Variants in CYTH1 observed in about 807,000 individuals in gnomAD.
CYTH1 encodes the protein cytohesin 1, also known as cytohesin-1.
A neutral mutation model predicts 61.8 loss-of-function variants in CYTH1; 18 were observed. That is an observed-to-expected ratio of 0.29 (90% CI 0.20 to 0.43). The LOEUF is 0.43. Among genes scored for constraint, CYTH1 ranks in the 20% least tolerant of loss-of-function variants. The pLI is 1.00. For synonymous variants in CYTH1, 174 were observed against 184.3 expected (o/e 0.94, Z 0.45); for missense variants, 336 against 510.5 (o/e 0.66, Z 3.29).
At chr17:78,735,609 G>A (rs898142596) in intron 1 of CYTH1, among the ~76,000 whole-genome samples, 1 of 152,138 alleles carries the variant, frequency 6.6e-6, no homozygotes, top group African/African-American at 2.4e-5. Flanking sequence ...TTTCAGTGTC[G>A]CCCGTGGACA....
chr17:78,690,445 T>G (rs1157893763), intron 11 of CYTH1, among the ~76,000 whole-genome samples: 2 of 129,794 alleles, frequency 1.5e-5, no homozygotes, highest in African/African-American at 5.9e-5. Flanking sequence ...ATGTATTTAC[T>G]GCTGGGTGCA....
intron 1 of CYTH1, among the ~76,000 whole-genome samples, chr17:78,773,395 C>A (rs1567886894): frequency 6.6e-6 from 1 of 152,040 alleles, no homozygotes; most frequent in Admixed American, 6.6e-5. Flanking sequence ...TTTGGGAGGC[C>A]GAGGCGGACG....
chr17:78,715,163 C>A (rs761607476), intron 1 of CYTH1, among the ~76,000 whole-genome samples: 1 of 152,116 alleles, frequency 6.6e-6, no homozygotes, highest in Non-Finnish European at 1.5e-5. Context: ...GATCCTAAAA[C>A]CTCCACAGAG....
intron 1 of CYTH1, among the ~76,000 whole-genome samples, chr17:78,749,322 TGGTG>T (rs2093370624): frequency 6.6e-6 from 1 of 152,104 alleles, no homozygotes; most frequent in Admixed American, 6.6e-5. Flanking sequence ...TAGCCAGGCA[TGGTG>T]GTAGGCACCT....
chr17:78,754,801 TTA>T (rs1435981491), intron 1 of CYTH1, among the ~76,000 whole-genome samples: 1 of 152,204 alleles, frequency 6.6e-6, no homozygotes, highest in Non-Finnish European at 1.5e-5. Flanking sequence ...CATATTATAC[TTA>T]TGTTAAATAA....
chr17:78,681,847 A>C (rs9748051), intron 11 of CYTH1, among the ~76,000 whole-genome samples: 139 of 150,518 alleles, frequency 9.2e-4, no homozygotes, highest in Middle Eastern at 3.4e-3. Context: ...CAAAAAAAAA[A>C]AAAAAAAACC....
intron 13 of CYTH1, among the ~76,000 whole-genome samples, chr17:78,679,831 G>A (rs1273213313): frequency 2.0e-5 from 3 of 152,190 alleles, no homozygotes. Flanking sequence ...ACAAATTACA[G>A]AACATGACTA....
intron 1 of CYTH1, among the ~76,000 whole-genome samples, chr17:78,738,745 T>A (rs562257502): frequency 5.9e-4 from 90 of 152,236 alleles, no homozygotes; most frequent in Non-Finnish European, 1.1e-3. Flanking sequence ...TCAAAACCTA[T>A]GTTTAATGAT....
intron 11 of CYTH1, among the ~76,000 whole-genome samples, chr17:78,683,975 C>T (rs1031888522): frequency 1.3e-5 from 2 of 152,160 alleles, no homozygotes; most frequent in Admixed American, 1.3e-4. Flanking sequence ...ATAATGTATA[C>T]TCTTTGACTG....
chr17:78,699,068 T>A, intron 7 of CYTH1, 100 bp from the exon 8 acceptor site: 1 of 1,438,286 alleles, frequency 7.0e-7, no homozygotes. Context: ...AAATCAGGAA[T>A]AAAAAACCAT....
chr17:78,687,038 C>A (rs1362954620), intron 11 of CYTH1, among the ~76,000 whole-genome samples: 1 of 152,130 alleles, frequency 6.6e-6, no homozygotes, highest in Non-Finnish European at 1.5e-5. Context: ...ACCTTGGCCT[C>A]CCAAAGTGCT....
intron 1 of CYTH1, among the ~76,000 whole-genome samples, chr17:78,760,530 TACATAC>T (rs2093423378): frequency 2.8e-5 from 1 of 36,358 alleles, no homozygotes; most frequent in Non-Finnish European, 5.7e-5. Context: ...TATATATATA[TACATAC>T]ATATATATGT....
At chr17:78,757,244 G>A (rs181424540) in intron 1 of CYTH1, among the ~76,000 whole-genome samples, 28 of 151,926 alleles carry the variant, frequency 1.8e-4, no homozygotes, top group Admixed American at 1.3e-3. Context: ...CACCATGCCC[G>A]GACTCAAGGT....
intron 12 of CYTH1, 106 bp from the exon 13 acceptor site, chr17:78,680,450 T>C: frequency 4.9e-6 from 6 of 1,215,198 alleles, no homozygotes; most frequent in Non-Finnish European, 6.8e-6. Context: ...CTTCACAAAA[T>C]ACAAGGAATA....
At chr17:78,706,111 A>C (rs2093062575) in intron 3 of CYTH1, among the ~76,000 whole-genome samples, 2 of 152,216 alleles carry the variant, frequency 1.3e-5, no homozygotes, top group Admixed American at 1.3e-4. Flanking sequence ...GTCAGAAAAA[A>C]GCCATTTTTT....
intron 10 of CYTH1, among the ~76,000 whole-genome samples, chr17:78,694,615 C>A (rs888423571): frequency 1.1e-4 from 17 of 152,252 alleles, no homozygotes; most frequent in African/African-American, 4.1e-4. Flanking sequence ...TGGTTGCCCA[C>A]GGAGGCTCGG....
intron 3 of CYTH1, among the ~76,000 whole-genome samples, chr17:78,707,417 C>T (rs1329793014): frequency 6.6e-6 from 1 of 152,100 alleles, no homozygotes; most frequent in African/African-American, 2.4e-5. Flanking sequence ...GAGTCCTTGT[C>T]CTTTTATACT....
Position 78,713,081 on chromosome 17 carries a change from T to TAA in CYTH1, c.23-3351_23-3350dup, listed in dbSNP as rs141001797. On this transcript the variant is annotated intron_variant, in intron 1 of 13. Coordinates refer to ENST00000446868, the MANE Select transcript of CYTH1 (RefSeq NM_004762.6). ...CCAGGCTGAACAGTTCTCCCAACAT[T>TAA]AAAAAATATATATATATATATTAAA... 1.9e-3 allele frequency among the ~76,000 whole-genome samples: 281 copies of TAA among 148,786 alleles called. 4 individuals are homozygous for TAA. The East Asian group carries it at 0.041, about 22-fold the overall frequency.
chr17:78,724,365 T>C (rs1441412753), intron 1 of CYTH1, among the ~76,000 whole-genome samples: 1 of 152,180 alleles, frequency 6.6e-6, no homozygotes, highest in Admixed American at 6.5e-5. Flanking sequence ...AGATATTTTT[T>C]AAACAATTCT....
Sources: allele counts gnomAD v4.1 joint callset (sites outside exome capture counted in the v4.1 genomes callset), GRCh38; gene constraint gnomAD v4.1.1; transcripts MANE v1.5; gene names NCBI Gene and HGNC (gene_info 2026-07-23, HGNC 2026-07-21).